PTGER4: variants seen among roughly 807,000 people sequenced by gnomAD.
PTGER4 encodes prostaglandin E receptor 4, also known as prostaglandin E2 receptor EP4 subtype.
PTGER4 carries 11 observed loss-of-function variants against 33.2 expected under a neutral mutation model. The observed-to-expected ratio is 0.33, with a 90% CI of 0.21 to 0.55. The LOEUF (loss-of-function observed/expected upper bound fraction) is 0.55, where lower values mean the gene tolerates loss of function less well. Among genes scored for constraint, PTGER4 ranks in the 20% least tolerant of loss-of-function variants. The probability of loss-of-function intolerance (pLI) is 0.92; values close to 1 mark genes in which losing one functional copy is unlikely to be tolerated. For missense variants in PTGER4, 481 were observed against 650.2 expected, an observed-to-expected ratio of 0.74 and a Z score of 2.83; for synonymous variants, 275 against 281.5, an observed-to-expected ratio of 0.98 and a Z score of 0.23.
the PTGER4 span, chr5:40,714,934 A>T: frequency 2.6e-5 from 4 of 152,146 alleles, no homozygotes; most frequent in African/African-American, 9.6e-5. Flanking sequence ...GTTCTATATT[A>T]TTGTACTACA....
chr5:40,719,067 T>C, the PTGER4 span, among the ~76,000 whole-genome samples: 1 of 152,216 alleles, frequency 6.6e-6, no homozygotes, highest in Non-Finnish European at 1.5e-5. Context: ...ATTTTATTCA[T>C]ATTTACTAAA....
chr5:40,719,372 T>A, the PTGER4 span, among the ~76,000 whole-genome samples: 1 of 152,250 alleles, frequency 6.6e-6, no homozygotes, highest in Non-Finnish European at 1.5e-5. Context: ...TCATCCGTGT[T>A]GTAACAGGCA....
chr5:40,734,289 G>A, the PTGER4 span, among the ~76,000 whole-genome samples: 3 of 134,234 alleles, frequency 2.2e-5, no homozygotes, highest in Non-Finnish European at 3.2e-5. Flanking sequence ...AATTTCTGCA[G>A]CATATCTCTT....
downstream of PTGER4, among the ~76,000 whole-genome samples, chr5:40,697,098 AAAG>A (rs1460753278): frequency 1.7e-5 from 1 of 60,272 alleles, no homozygotes; most frequent in Non-Finnish European, 3.5e-5. Flanking sequence ...AAGAAAGAGA[AAAG>A]AAAGAAAGGA....
chr5:40,709,690 G>A, the PTGER4 span, among the ~76,000 whole-genome samples: 1 of 152,168 alleles, frequency 6.6e-6, no homozygotes, highest in South Asian at 2.1e-4. Context: ...CTACTTTAAA[G>A]TTCATATGGA....
chr5:40,710,040 CA>C, the PTGER4 span, among the ~76,000 whole-genome samples: 17 of 152,204 alleles, frequency 1.1e-4, no homozygotes, highest in South Asian at 3.5e-3. Flanking sequence ...TCTAAAACAC[CA>C]AAAGTAACGG....
the PTGER4 span, among the ~76,000 whole-genome samples, chr5:40,741,716 C>T: frequency 3.9e-4 from 60 of 152,272 alleles, 1 homozygote; most frequent in African/African-American, 1.3e-3. Context: ...CAGCCACGCA[C>T]GGTAGCTCAC....
chr5:40,736,802 C>T, the PTGER4 span, among the ~76,000 whole-genome samples: 331 of 152,182 alleles, frequency 2.2e-3, 1 homozygote, highest in Non-Finnish European at 3.7e-3. Flanking sequence ...AAAATAACTA[C>T]CCAAAGTTTA....
chr5:40,736,755 T>G, the PTGER4 span, among the ~76,000 whole-genome samples: 3 of 152,168 alleles, frequency 2.0e-5, no homozygotes, highest in Non-Finnish European at 4.4e-5. Context: ...CTATAAGATA[T>G]GTATCACCAT....
At chr5:40,710,796 A>G in the PTGER4 span, among the ~76,000 whole-genome samples, 1 of 152,200 alleles carries the variant, frequency 6.6e-6, no homozygotes, top group Admixed American at 6.5e-5. Flanking sequence ...ATGAAGCTGG[A>G]AACCATCATT....
rs1741489276 is a variant in PTGER4 at position 40,692,109 on chromosome 5, T to C, written c.1198T>C (p.Ser400Pro). ...ATCTCAGACCCTCCTGCCAGACCTC[T>C]CACTGCCAGACCTCAGTGAAAATGG... is the stretch of plus-strand genomic sequence containing the variant. ...STSQTLLPDLSLPDLSENGLG... is the reference protein window; with the variant it reads ...STSQTLLPDLPLPDLSENGLG... The change falls in exon 3 of 3, where the codon TCA (serine) becomes CCA (proline). Residue 400 changes from serine to proline, a missense_variant. Ser to Pro is a moderately conservative substitution (Grantham distance 74). This residue lies in a region of PTGER4 where 172 missense variants were observed against 199.2 expected (regional missense o/e 0.86). Coordinates refer to ENST00000302472, the MANE Select transcript of PTGER4 (RefSeq NM_000958.3). 1 of 1,614,192 alleles carries C rather than the reference T, an allele frequency of 6.2e-7. No individual in the cohort carries two copies. Among genetic ancestry groups the C allele is most frequent in the Non-Finnish European group, 8.5e-7 (1 of 1,180,050 alleles).
the PTGER4 span, among the ~76,000 whole-genome samples, chr5:40,713,247 A>G: frequency 6.6e-6 from 1 of 152,120 alleles, no homozygotes; most frequent in African/African-American, 2.4e-5. Flanking sequence ...TCACTTTAGA[A>G]TGGCTCTGAT....
intron 2 of PTGER4, among the ~76,000 whole-genome samples, chr5:40,682,533 G>A (rs1741225332): frequency 6.6e-6 from 1 of 152,148 alleles, no homozygotes; most frequent in African/African-American, 2.4e-5. Flanking sequence ...GCAGCTTAAA[G>A]CACACAAATT....
rs1457716002 is a variant in PTGER4, at chr5:40,691,871, G to A, written c.960G>A (p.Val320=). Residue 320 remains valine (V), a synonymous_variant, in exon 3 of 3, where the codon GTG becomes GTA. Coordinates refer to ENST00000302472, the MANE Select transcript of PTGER4 (RefSeq NM_000958.3). This position sits in a 1 kb window ranked among gnomAD's most constrained non-coding sequence, Gnocchi z 4.2. ...TGCAGGCCATCCGAATTGCTTCTGTGAACCCCATCCTAGACCCCTGGATAT... is the reference window on the plus strand; with the variant it reads ...TGCAGGCCATCCGAATTGCTTCTGTAAACCCCATCCTAGACCCCTGGATAT... ...PDLQAIRIAS[V]NPILDPWIYI... is the part of the protein sequence containing the mutation. The A allele has an allele frequency of 1.9e-6, 3 of 1,614,214 alleles. No individual in the cohort carries two copies. In the African/African-American group the frequency reaches 4.0e-5, roughly 22 times the overall value.
chr5:40,681,804 G>T lies in PTGER4; in HGVS notation c.811G>T (p.Val271Phe). 6.3e-7 allele frequency: 1 copy of T among 1,589,438 alleles called. No individual in the cohort carries two copies. The highest frequency in any genetic ancestry group is 8.5e-7 in the Non-Finnish European group (1 of 1,171,402). The change falls in exon 2 of 3, where the codon GTC becomes TTC. Residue 271 changes from valine to phenylalanine, a missense_variant. Around this residue, in one of 7 missense-constraint regions of PTGER4, gnomAD observed 174 missense variants for 210.5 expected, o/e 0.83. Transcript: ENST00000302472. The surrounding 1 kb of genome is among the most constrained non-coding windows in gnomAD (Gnocchi z 9.8). ...CATCGCGGGCGCCGAGATCCAGATG[G>T]TCATCTTACTCATTGCCACCTCCCT... ...RRIAGAEIQM[V>F]ILLIATSLVV...
chr5:40,688,292 G>T (rs1182616313), intron 2 of PTGER4, among the ~76,000 whole-genome samples: 1 of 152,078 alleles, frequency 6.6e-6, no homozygotes, highest in Non-Finnish European at 1.5e-5. Context: ...TGCTTGTTAG[G>T]GAGGTAGTAT....
the PTGER4 span, among the ~76,000 whole-genome samples, chr5:40,703,693 A>C: frequency 6.6e-6 from 1 of 151,938 alleles, no homozygotes; most frequent in African/African-American, 2.4e-5. Context: ...TCACAAGGTC[A>C]AGAGATCAAG....
chr5:40,720,554 C>T, the PTGER4 span, among the ~76,000 whole-genome samples: 3 of 152,188 alleles, frequency 2.0e-5, no homozygotes, highest in East Asian at 5.8e-4. Context: ...CCCAAGGGCA[C>T]TCCTCTTCAA....
chr5:40,711,405 G>A, the PTGER4 span, among the ~76,000 whole-genome samples: 3 of 152,072 alleles, frequency 2.0e-5, no homozygotes, highest in African/African-American at 7.2e-5. Context: ...AGGATATGGA[G>A]AAACTGAAAT....
Sources: allele counts gnomAD v4.1 joint callset (sites outside exome capture counted in the v4.1 genomes callset), GRCh38; gene constraint gnomAD v4.1.1; regional missense constraint gnomAD v4.1.1; non-coding constraint Gnocchi (gnomAD v3.1); transcripts MANE v1.5; gene names NCBI Gene and HGNC (gene_info 2026-07-23, HGNC 2026-07-21).